ART1: variants seen among roughly 807,000 people sequenced by gnomAD.
ART1 encodes ADP-ribosyltransferase 1, also known as GPI-linked NAD(P)(+)--arginine ADP-ribosyltransferase 1.
Under a neutral mutation model 27.0 loss-of-function variants are expected in ART1, and 29 were observed. The observed-to-expected ratio is 1.08, with a 90% CI of 0.80 to 1.47. The LOEUF (loss-of-function observed/expected upper bound fraction) is 1.47, where lower values mean the gene tolerates loss of function less well. Among genes scored for constraint, ART1 ranks in the 40% most tolerant of loss-of-function variants. The probability of loss-of-function intolerance (pLI) is 0.00; values close to 1 mark genes in which losing one functional copy is unlikely to be tolerated. For missense variants in ART1, 480 were observed against 423.0 expected (o/e 1.13, Z -1.18); for synonymous variants, 201 against 172.2 (o/e 1.17, Z -1.31).
In ART1 at chr11:3,659,147, A is replaced by G. The variant is rs1350526699; in HGVS notation, c.-52-15A>G. 1 of 1,458,388 alleles carries G rather than the reference A, an allele frequency of 6.9e-7. No individual in the cohort carries two copies. The highest frequency in any genetic ancestry group is 9.6e-7 in the Non-Finnish European group (1 of 1,041,880). 90.3% of individuals were successfully genotyped at this position (1,458,388 alleles called of 1,614,324 possible). ...TGTTTATTAAACTATACAGATTAAC[A>G]CTGCAATTTTCCAGATGAGGAAACT... On this transcript the variant is annotated splice_polypyrimidine_tract_variant and intron_variant, in intron 1 of 4. Coordinates refer to ENST00000250693, the MANE Select transcript of ART1 (RefSeq NM_004314.3).
At chr11:3,646,241 T>C (rs1431584932) in intron 1 of ART1, among the ~76,000 whole-genome samples, 1 of 151,936 alleles carries the variant, frequency 6.6e-6, no homozygotes, top group Non-Finnish European at 1.5e-5. Context: ...AGGCAGGATA[T>C]TGGGGCTGAC....
rs2133969729 is a variant in ART1, at chr11:3,664,367, C to T, written c.*178C>T. The T allele has an allele frequency of 3.2e-6, 2 of 620,158 alleles. No individual in the cohort carries two copies. The highest frequency in any genetic ancestry group is 1.9e-5 in the South Asian group (1 of 52,776). The allele number at this position is 620,158 out of a possible 1,614,324, so 38.4% of individuals were successfully genotyped here. A position where few individuals can be genotyped will look rare whatever the true frequency, so the allele number is the denominator to read the frequency against. The stretch of plus-strand genomic sequence containing the variant: ...AACAGGAGACAATCTGGGGACTGAA[C>T]CTTACCCAGGGCTGTAGGAGTGAGA... On this transcript the variant is annotated 3_prime_UTR_variant, in exon 5 of 5. Transcript: ENST00000250693.
intron 1 of ART1, among the ~76,000 whole-genome samples, chr11:3,649,873 C>T (rs775023861): frequency 1.3e-4 from 20 of 152,228 alleles, no homozygotes; most frequent in Non-Finnish European, 2.5e-4. Context: ...TCGGCAGCAA[C>T]CCTGAGACGC....
At chr11:3,648,424 C>T (rs1033580047) in intron 1 of ART1, among the ~76,000 whole-genome samples, 5 of 152,150 alleles carry the variant, frequency 3.3e-5, no homozygotes, top group African/African-American at 7.2e-5. Flanking sequence ...GACCGACCAG[C>T]GCAAGAAATA....
At chr11:3,645,520 C>T (rs566159722) in intron 1 of ART1, among the ~76,000 whole-genome samples, 123 of 152,292 alleles carry the variant, frequency 8.1e-4, no homozygotes, top group Non-Finnish European at 1.3e-3. Context: ...GGCCCATGCC[C>T]ACCCCATCCC....
chr11:3,655,070 C>G (rs1233323395), intron 1 of ART1, among the ~76,000 whole-genome samples: 1 of 152,204 alleles, frequency 6.6e-6, no homozygotes, highest in Non-Finnish European at 1.5e-5. Context: ...CGGCAAGTGG[C>G]TTATCTAAAC....
chr11:3,647,009 A>C (rs375235296), intron 1 of ART1, among the ~76,000 whole-genome samples: 15 of 152,136 alleles, frequency 9.9e-5, no homozygotes, highest in Admixed American at 2.0e-4. Context: ...AAAACCAAAA[A>C]CAAAACAAAA....
intron 1 of ART1, among the ~76,000 whole-genome samples, chr11:3,647,638 TAAATAAATAATATATAAATAAAA>T (rs138536937): frequency 0.022 from 3,348 of 151,606 alleles, 107 homozygotes; most frequent in African/African-American, 0.075. Context: ...TGTCTCAAAA[TAAATAAATAATATATAAATAAAA>T]ATAAAAATAA....
intron 1 of ART1, among the ~76,000 whole-genome samples, chr11:3,653,541 C>G (rs1302665983): frequency 6.6e-6 from 1 of 151,998 alleles, no homozygotes; most frequent in East Asian, 1.9e-4. Flanking sequence ...TTCGCTGACT[C>G]TCTTTTCGGA....
At position 3,652,407 on chromosome 11, in the gene ART1, A is replaced by G. The variant is rs961021968; in HGVS notation, c.-52-6755A>G. Among the ~76,000 whole-genome samples the G allele has an allele frequency of 3.4e-4, 50 of 149,248 alleles. 2 individuals are homozygous for G. The highest frequency in any genetic ancestry group is 2.9e-5 in the Non-Finnish European group (2 of 67,964). ...GCTCTTAGTATTCAGTGAAACCTTT[A>G]TATCCCTTACGGTCCTCTGTCTTCA... is the stretch of plus-strand genomic sequence containing the variant. On this transcript the variant is annotated intron_variant, in intron 1 of 4. Coordinates refer to ENST00000250693, the MANE Select transcript of ART1 (RefSeq NM_004314.3).
At chr11:3,652,898 G>C (rs1344703742) in intron 1 of ART1, among the ~76,000 whole-genome samples, 7 of 149,864 alleles carry the variant, frequency 4.7e-5, no homozygotes, top group Non-Finnish European at 7.4e-5. Context: ...AGATGTCCTA[G>C]GTCCTCCCAA....
chr11:3,657,119 G>T (rs536052201), intron 1 of ART1, among the ~76,000 whole-genome samples: 1 of 152,198 alleles, frequency 6.6e-6, no homozygotes, highest in African/African-American at 2.4e-5. Flanking sequence ...ATAAAGCAGC[G>T]ACGCTTAACC....
At chr11:3,647,947 G>C (rs568214617) in intron 1 of ART1, among the ~76,000 whole-genome samples, 1 of 136,764 alleles carries the variant, frequency 7.3e-6, no homozygotes, top group South Asian at 2.4e-4. Flanking sequence ...CAATAAAAGA[G>C]GTGTCAGGCC....
chr11:3,650,866 C>T (rs1469397848), intron 1 of ART1, among the ~76,000 whole-genome samples: 3 of 137,378 alleles, frequency 2.2e-5, no homozygotes, highest in African/African-American at 2.6e-5. Context: ...CCTTCGCGAC[C>T]GATCATGCAC....
At chr11:3,657,949 A>AG (rs2077586975) in intron 1 of ART1, among the ~76,000 whole-genome samples, 1 of 152,344 alleles carries the variant, frequency 6.6e-6, no homozygotes, top group East Asian at 1.9e-4. Context: ...ATATTTATGT[A>AG]CTGACATGGA....
intron 1 of ART1, among the ~76,000 whole-genome samples, chr11:3,653,724 G>C (rs1242146719): frequency 1.3e-5 from 2 of 152,048 alleles, no homozygotes; most frequent in South Asian, 2.1e-4. Context: ...TGTCATCCTT[G>C]ATTTTTCCCT....
chr11:3,648,631 G>A lies in ART1; in HGVS notation c.-53+3452G>A, dbSNP rs190826542. 3.7e-4 allele frequency among the ~76,000 whole-genome samples: 57 copies of A among 152,272 alleles called. No homozygotes were observed. The East Asian group carries it at 9.1e-3, about 24-fold the overall frequency. On this transcript the variant is annotated intron_variant, in intron 1 of 4. Transcript: ENST00000250693. ...TCTGTGGACCCAAAACTCCGGCGCC[G>A]GTCACGGACTGGGAAGGCAGCCTTC...
intron 4 of ART1, among the ~76,000 whole-genome samples, chr11:3,661,969 AG>A (rs2077624965): frequency 6.6e-6 from 1 of 152,208 alleles, no homozygotes; most frequent in Non-Finnish European, 1.5e-5. Context: ...TATCCCTTGC[AG>A]GAAAAGGCCA....
intron 1 of ART1, chr11:3,655,667 T>A (rs1031372265): frequency 6.6e-6 from 1 of 152,144 alleles, no homozygotes; most frequent in Non-Finnish European, 1.5e-5. Flanking sequence ...TACACTCTCT[T>A]TTACCCTGCA....
Sources: gnomAD v4.1 joint callset for allele counts (sites outside exome capture counted in the v4.1 genomes callset) on GRCh38, gnomAD v4.1.1 for gene constraint, MANE v1.5 for transcripts, NCBI Gene and HGNC (gene_info 2026-07-23, HGNC 2026-07-21) for gene names.